Variants in ADCY2 observed in about 807,000 individuals in gnomAD.
ADCY2 encodes the protein adenylate cyclase type 2.
In ADCY2, 31 loss-of-function variants were observed where a neutral mutation model predicts 125.2. The observed-to-expected ratio is 0.25, with a 90% CI of 0.19 to 0.33. The LOEUF (loss-of-function observed/expected upper bound fraction) is 0.33. ADCY2 is among the 10% of genes least tolerant of loss of function. ADCY2 has a pLI of 1.00. For missense variants in ADCY2, 904 were observed against 1,418.2 expected (o/e 0.64, Z 5.82); for synonymous variants, 512 against 548.4 (o/e 0.93, Z 0.93).
chr5:7,541,805 C>T (rs1253788848), intron 3 of ADCY2, among the ~76,000 whole-genome samples: 5 of 152,128 alleles, frequency 3.3e-5, no homozygotes, highest in African/African-American at 1.2e-4. Context: ...CCAGTTAGAA[C>T]ATGTGACAAA....
intron 3 of ADCY2, among the ~76,000 whole-genome samples, chr5:7,578,625 C>A (rs540656254): frequency 6.6e-6 from 1 of 152,102 alleles, no homozygotes; most frequent in Non-Finnish European, 1.5e-5. Flanking sequence ...ATTTTGGAAT[C>A]GTGGGCATCT....
intron 3 of ADCY2, among the ~76,000 whole-genome samples, chr5:7,563,374 T>C (rs1049291780): frequency 1.3e-5 from 2 of 152,148 alleles, no homozygotes; most frequent in Admixed American, 6.5e-5. Context: ...CTGCTGATCA[T>C]ACCCTGAGGC....
chr5:7,648,625 C>T (rs1213623123), intron 4 of ADCY2, among the ~76,000 whole-genome samples: 2 of 152,126 alleles, frequency 1.3e-5, no homozygotes, highest in Non-Finnish European at 2.9e-5. Context: ...GAAACACTGA[C>T]TTACTGTGAG....
chr5:7,735,972 T>C (rs1454865830), intron 14 of ADCY2, among the ~76,000 whole-genome samples: 1 of 152,048 alleles, frequency 6.6e-6, no homozygotes, highest in East Asian at 1.9e-4. Context: ...CAGAGGCAGG[T>C]GGATTGCTTG....
intron 4 of ADCY2, among the ~76,000 whole-genome samples, chr5:7,638,900 T>C (rs1322915102): frequency 6.6e-6 from 1 of 152,150 alleles, no homozygotes; most frequent in Non-Finnish European, 1.5e-5. Context: ...CACTGAATCA[T>C]GGGGGTGGGT....
chr5:7,573,436 G>A (rs1442510575), intron 3 of ADCY2, among the ~76,000 whole-genome samples: 2 of 151,970 alleles, frequency 1.3e-5, no homozygotes, highest in East Asian at 3.9e-4. Context: ...ATATTTCAGA[G>A]GCATGGATGC....
intron 3 of ADCY2, among the ~76,000 whole-genome samples, chr5:7,521,193 G>T (rs757647718): frequency 2.6e-5 from 4 of 152,174 alleles, no homozygotes; most frequent in Non-Finnish European, 5.9e-5. Flanking sequence ...ATGGTCAAAA[G>T]GTGTTCTTAT....
intron 3 of ADCY2, among the ~76,000 whole-genome samples, chr5:7,545,829 G>C (rs1377316980): frequency 1.3e-5 from 2 of 152,066 alleles, no homozygotes; most frequent in African/African-American, 4.8e-5. Flanking sequence ...CTTCCGTATG[G>C]GCAGTTCAGC....
At chr5:7,679,829 G>T (rs1463425506) in intron 4 of ADCY2, among the ~76,000 whole-genome samples, 1 of 152,174 alleles carries the variant, frequency 6.6e-6, no homozygotes, top group Non-Finnish European at 1.5e-5. Flanking sequence ...CCCAGTACTT[G>T]TTCTCTTCTT....
rs142660226 is a variant in ADCY2 at position 7,674,877 on chromosome 5, T to C, written c.721-15814T>C. 3.2e-3 allele frequency among the ~76,000 whole-genome samples: 489 copies of C among 152,256 alleles called. 4 individuals are homozygous for C. The highest frequency in any genetic ancestry group is 0.011 in the African/African-American group (440 of 41,556). On this transcript the variant is annotated intron_variant, in intron 4 of 24. Transcript: ENST00000338316. ...TTTTAGAAATTTGGTCTATTTTGGC[T>C]GGGCGCGGTGGCTCACGCCTGTAAT...
intron 8 of ADCY2, among the ~76,000 whole-genome samples, chr5:7,707,279 T>TG (rs1329773299): frequency 1.3e-5 from 2 of 152,226 alleles, no homozygotes; most frequent in Non-Finnish European, 2.9e-5. Context: ...CATCCTTCTC[T>TG]GGGGAGAATA....
At chr5:7,658,025 G>C (rs1455408041) in intron 4 of ADCY2, 3 of 152,182 alleles carry the variant, frequency 2.0e-5, no homozygotes, top group African/African-American at 2.4e-5. Flanking sequence ...GCCTTCCTCA[G>C]GTCTCCAGTG....
rs192847689 is a variant in ADCY2, at chr5:7,592,099, G to A, written c.571-34068G>A. Among the ~76,000 whole-genome samples the A allele has an allele frequency of 2.8e-3, 420 of 152,126 alleles. 1 individual carries two copies. The highest frequency in any genetic ancestry group is 5.4e-3 in the Admixed American group (83 of 15,276). ...CATTCACTACTCAATTTAAACATGC[G>A]GTATGCACATATGGCTCTTTCTTCT... On this transcript the variant is annotated intron_variant, in intron 3 of 24. Transcript: ENST00000338316.
intron 22 of ADCY2, among the ~76,000 whole-genome samples, chr5:7,809,264 A>G (rs926781970): frequency 6.6e-6 from 1 of 152,206 alleles, no homozygotes. Context: ...TCAGTACTGT[A>G]TGTGCTATTT....
intron 3 of ADCY2, among the ~76,000 whole-genome samples, chr5:7,585,375 G>A (rs1162434897): frequency 2.0e-5 from 3 of 152,146 alleles, no homozygotes; most frequent in African/African-American, 7.2e-5. Flanking sequence ...AACAATAATG[G>A]TGATAGAATA....
intron 3 of ADCY2, among the ~76,000 whole-genome samples, chr5:7,560,785 T>G (rs1176910561): frequency 6.6e-6 from 1 of 151,936 alleles, no homozygotes; most frequent in Non-Finnish European, 1.5e-5. Flanking sequence ...ACCTCCGAGA[T>G]TCAAGCGATT....
chr5:7,689,656 C>T (rs1740642233), intron 4 of ADCY2, among the ~76,000 whole-genome samples: 1 of 152,106 alleles, frequency 6.6e-6, no homozygotes, highest in Non-Finnish European at 1.5e-5. Context: ...ACACCTGACC[C>T]TGTGAACCTG....
chr5:7,656,008 A>G (rs1034660648), intron 4 of ADCY2, among the ~76,000 whole-genome samples: 2 of 151,644 alleles, frequency 1.3e-5, no homozygotes, highest in Admixed American at 6.6e-5. Flanking sequence ...CACCTGTCTC[A>G]TAGACACCTC....
At chr5:7,597,619 C>G (rs1737053076) in intron 3 of ADCY2, among the ~76,000 whole-genome samples, 1 of 152,130 alleles carries the variant, frequency 6.6e-6, no homozygotes, top group Admixed American at 6.5e-5. Flanking sequence ...TATAAAAAAA[C>G]TTTAAAATTT....
Sources: allele counts gnomAD v4.1 joint callset (sites outside exome capture counted in the v4.1 genomes callset), GRCh38; gene constraint gnomAD v4.1.1; transcripts MANE v1.5; gene names NCBI Gene and HGNC (gene_info 2026-07-23, HGNC 2026-07-21).